PTPRD: variants seen among roughly 807,000 people sequenced by gnomAD.
The protein encoded by PTPRD is receptor-type tyrosine-protein phosphatase delta.
PTPRD carries 34 observed loss-of-function variants against 214.5 expected under a neutral mutation model. The ratio of observed to expected loss-of-function variants is 0.16; its 90% CI spans 0.12 to 0.21. The LOEUF (loss-of-function observed/expected upper bound fraction) is 0.21, where lower values mean the gene tolerates loss of function less well. Among genes scored for constraint, PTPRD ranks in the 10% least tolerant of loss-of-function variants. The probability of loss-of-function intolerance (pLI) is 1.00; values close to 1 mark genes in which losing one functional copy is unlikely to be tolerated. For missense variants in PTPRD, 2,545 were observed against 2,398.7 expected (o/e 1.06, Z -1.27); for synonymous variants, 1,128 against 845.7 (o/e 1.33, Z -5.79).
chr9:9,946,134 A>G (rs1308271165), intron 4 of PTPRD, among the ~76,000 whole-genome samples: 3 of 147,008 alleles, frequency 2.0e-5, no homozygotes, highest in Admixed American at 1.4e-4. Context: ...TGCATACTAA[A>G]TCATTACCTT....
At chr9:8,338,632 C>G (rs1849278229) in intron 43 of PTPRD, among the ~76,000 whole-genome samples, 1 of 152,034 alleles carries the variant, frequency 6.6e-6, no homozygotes, top group South Asian at 2.1e-4. Context: ...CACAGCCAAC[C>G]AATCAGTAAA....
chr9:10,282,728 A>G (rs573585680), intron 3 of PTPRD, among the ~76,000 whole-genome samples: 1 of 152,154 alleles, frequency 6.6e-6, no homozygotes, highest in Non-Finnish European at 1.5e-5. Context: ...TTTAAGTTGC[A>G]TGGTGATTCT....
chr9:9,063,996 G>C (rs2099716643), intron 10 of PTPRD, among the ~76,000 whole-genome samples: 1 of 152,112 alleles, frequency 6.6e-6, no homozygotes, highest in African/African-American at 2.4e-5. Flanking sequence ...CTGTGGCATG[G>C]TTTTAATATA....
intron 35 of PTPRD, among the ~76,000 whole-genome samples, chr9:8,412,584 T>C (rs73420473): frequency 3.3e-5 from 5 of 152,274 alleles, no homozygotes; most frequent in African/African-American, 9.6e-5. Context: ...GATGCACAGT[T>C]ATTACTAAAA....
At chr9:8,935,216 A>G (rs1283382590) in intron 11 of PTPRD, among the ~76,000 whole-genome samples, 1 of 152,194 alleles carries the variant, frequency 6.6e-6, no homozygotes, top group East Asian at 1.9e-4. Context: ...TAAAGACTTC[A>G]CCAAAAAACT....
At chr9:9,277,505 T>C (rs1389717560) in intron 9 of PTPRD, among the ~76,000 whole-genome samples, 1 of 151,404 alleles carries the variant, frequency 6.6e-6, no homozygotes, top group Admixed American at 6.6e-5. Flanking sequence ...TCATCAGAAA[T>C]ATGCTATTGC....
In PTPRD at chr9:10,201,633, T is replaced by A. The variant is rs374263346; in HGVS notation, c.-545+139330A>T. ...ATGAATTTTCTTTATCTGTTTTATT[T>A]CTTGATAGACAATTATTTTGCTTCC... On this transcript the variant is annotated intron_variant, in intron 3 of 45. Transcript: ENST00000381196. 1.3e-3 allele frequency among the ~76,000 whole-genome samples: 191 copies of A among 152,052 alleles called. 6 individuals are homozygous for A. In the South Asian group the frequency reaches 0.037, roughly 29 times the overall value.
intron 3 of PTPRD, among the ~76,000 whole-genome samples, chr9:10,129,493 T>C (rs550562745): frequency 3.9e-5 from 5 of 129,502 alleles, no homozygotes; most frequent in Admixed American, 9.1e-5. Flanking sequence ...TTCTCTTTTT[T>C]CTTTCCTTTT....
intron 9 of PTPRD, among the ~76,000 whole-genome samples, chr9:9,290,281 C>A (rs1950733961): frequency 6.6e-6 from 1 of 151,546 alleles, no homozygotes; most frequent in African/African-American, 2.4e-5. Context: ...CTATTCAGGT[C>A]CTTTGCTAAT....
intron 6 of PTPRD, among the ~76,000 whole-genome samples, chr9:9,742,113 G>A (rs558596472): frequency 7.2e-5 from 11 of 152,232 alleles, no homozygotes; most frequent in Non-Finnish European, 1.0e-4. Context: ...GTGTGAAATG[G>A]TATCTCATTG....
At chr9:9,384,295 G>C (rs1013219792) in intron 9 of PTPRD, among the ~76,000 whole-genome samples, 2 of 129,762 alleles carry the variant, frequency 1.5e-5, no homozygotes, top group Non-Finnish European at 3.1e-5. Context: ...GTTTACGTCA[G>C]GTATAAAAGG....
chr9:8,892,959 C>T lies in PTPRD; in HGVS notation c.-104+125738G>A, dbSNP rs546958207. On this transcript the variant is annotated intron_variant, in intron 11 of 45. Coordinates refer to ENST00000381196, the MANE Select transcript of PTPRD (RefSeq NM_002839.4). ...AAAGTGAGTCATGAAATTAAGATGT[C>T]ATTGATAATCTTGACGTCCATGTTG... 4.2e-4 allele frequency among the ~76,000 whole-genome samples: 64 copies of T among 152,088 alleles called. No individual in the cohort carries two copies. The South Asian group carries it at 5.4e-3, about 13-fold the overall frequency.
chr9:10,330,579 G>T (rs369095800), intron 3 of PTPRD, among the ~76,000 whole-genome samples: 4 of 151,700 alleles, frequency 2.6e-5, no homozygotes, highest in African/African-American at 9.7e-5. Context: ...ATATTTTATT[G>T]CATCACCTTA....
At chr9:10,134,179 A>G (rs896474375) in intron 3 of PTPRD, among the ~76,000 whole-genome samples, 1 of 152,060 alleles carries the variant, frequency 6.6e-6, no homozygotes. Context: ...TACCACAACC[A>G]ACTCTGACTC....
At chr9:9,154,400 G>C (rs114725171) in intron 10 of PTPRD, among the ~76,000 whole-genome samples, 1 of 125,570 alleles carries the variant, frequency 8.0e-6, no homozygotes, top group African/African-American at 3.5e-5. Context: ...TTGGTTCCTG[G>C]TGTAGGCTCT....
chr9:8,786,623 G>C (rs915376101), intron 11 of PTPRD, among the ~76,000 whole-genome samples: 8 of 151,086 alleles, frequency 5.3e-5, no homozygotes, highest in African/African-American at 1.9e-4. Flanking sequence ...CCACGTTGGC[G>C]AGGCTGGTCT....
At chr9:9,943,075 G>C (rs576120919) in intron 4 of PTPRD, among the ~76,000 whole-genome samples, 1 of 152,140 alleles carries the variant, frequency 6.6e-6, no homozygotes, top group East Asian at 1.9e-4. Context: ...GTCTTACATA[G>C]GCTGTTAGCC....
chr9:10,243,823 C>G (rs2091585827), intron 3 of PTPRD, among the ~76,000 whole-genome samples: 2 of 151,940 alleles, frequency 1.3e-5, no homozygotes, highest in African/African-American at 2.4e-5. Context: ...CTTTATCCTC[C>G]CAAACCTAAA....
chr9:8,577,822 G>C (rs940852276), intron 14 of PTPRD, among the ~76,000 whole-genome samples: 2 of 152,160 alleles, frequency 1.3e-5, no homozygotes, highest in Non-Finnish European at 2.9e-5. Flanking sequence ...AAGACCCGCT[G>C]AATCAGAAAC....
Sources: gnomAD v4.1 joint callset for allele counts (sites outside exome capture counted in the v4.1 genomes callset) on GRCh38, gnomAD v4.1.1 for gene constraint, MANE v1.5 for transcripts, NCBI Gene and HGNC (gene_info 2026-07-23, HGNC 2026-07-21) for gene names.